MKLN1: variants seen among roughly 807,000 people sequenced by gnomAD.
MKLN1 encodes muskelin.
A neutral mutation model predicts 99.0 loss-of-function variants in MKLN1; 18 were observed. That is an observed-to-expected ratio of 0.18 (90% CI 0.13 to 0.27). The LOEUF is 0.27. MKLN1 is among the 10% of genes least tolerant of loss of function. The pLI, the probability that MKLN1 is intolerant of heterozygous loss-of-function variation, is 1.00. For synonymous variants in MKLN1, 288 were observed against 293.2 expected (o/e 0.98, Z 0.18); for missense variants, 621 against 875.9 (o/e 0.71, Z 3.67).
intron 3 of MKLN1, among the ~76,000 whole-genome samples, chr7:131,221,775 C>T (rs1489156828): frequency 6.6e-6 from 1 of 151,722 alleles, no homozygotes; most frequent in Non-Finnish European, 1.5e-5. Flanking sequence ...CCCACCTTAG[C>T]CTCCCGAAGT....
chr7:131,176,670 G>T (rs1014868502), intron 2 of MKLN1, among the ~76,000 whole-genome samples: 6 of 152,242 alleles, frequency 3.9e-5, no homozygotes, highest in Non-Finnish European at 7.3e-5. Context: ...AATGGAAACA[G>T]CGAGTCGTTG....
intron 1 of MKLN1, among the ~76,000 whole-genome samples, chr7:131,341,145 T>C (rs1200744823): frequency 6.6e-6 from 1 of 152,126 alleles, no homozygotes; most frequent in Non-Finnish European, 1.5e-5. Flanking sequence ...TCTAATTCTT[T>C]GAACATAATT....
intron 3 of MKLN1, among the ~76,000 whole-genome samples, chr7:131,211,592 C>G (rs1251830475): frequency 7.0e-6 from 1 of 142,338 alleles, no homozygotes; most frequent in Non-Finnish European, 1.6e-5. Flanking sequence ...TTATTACAAC[C>G]AACCCTTGTG....
intron 1 of MKLN1, among the ~76,000 whole-genome samples, chr7:131,357,936 G>A (rs1216437719): frequency 6.6e-6 from 1 of 152,064 alleles, no homozygotes; most frequent in African/African-American, 2.4e-5. Context: ...CTGAAACCTT[G>A]CTGTAATCAT....
Position 131,248,335 on chromosome 7 carries a change from T to TA in MKLN1, c.-179+45363dup, listed in dbSNP as rs559881278. 1.0e-3 allele frequency among the ~76,000 whole-genome samples: 157 copies of TA among 152,322 alleles called. 1 individual carries two copies. The highest frequency in any genetic ancestry group is 3.7e-3 in the African/African-American group (155 of 41,570). ...GAAAGAGTCTCTACTGGCAAAAATG[T>TA]AACTCTCAGCCAGCTAGAGATAGTT... On this transcript the variant is annotated intron_variant, in intron 3 of 7. Transcript: ENST00000416992.
At chr7:131,204,010 A>T (rs1451602340) in intron 3 of MKLN1, among the ~76,000 whole-genome samples, 1 of 152,160 alleles carries the variant, frequency 6.6e-6, no homozygotes, top group Non-Finnish European at 1.5e-5. Flanking sequence ...CTTACCTAGG[A>T]CCAATACAGC....
chr7:131,118,529 A>G (rs1158998446), intron 1 of MKLN1, among the ~76,000 whole-genome samples: 2 of 146,486 alleles, frequency 1.4e-5, no homozygotes, highest in Non-Finnish European at 3.0e-5. Context: ...CTCCAGCCTG[A>G]GCAACAAGAG....
intron 1 of MKLN1, among the ~76,000 whole-genome samples, chr7:131,133,833 T>G (rs1381082132): frequency 3.6e-4 from 50 of 138,744 alleles, no homozygotes; most frequent in Admixed American, 9.3e-4. Flanking sequence ...TTTTTTTTTT[T>G]TTTTTTTTTT....
At chr7:131,355,553 G>T (rs187301425) in intron 1 of MKLN1, among the ~76,000 whole-genome samples, 1 of 150,244 alleles carries the variant, frequency 6.7e-6, no homozygotes, top group African/African-American at 2.5e-5. Context: ...TGTAATTAGA[G>T]GTCTTCTCTT....
intron 1 of MKLN1, among the ~76,000 whole-genome samples, chr7:131,369,004 A>T (rs1036562132): frequency 1.3e-5 from 2 of 149,616 alleles, no homozygotes; most frequent in Non-Finnish European, 3.0e-5. Context: ...GTATAATCAC[A>T]CACACACACA....
intron 3 of MKLN1, among the ~76,000 whole-genome samples, chr7:131,230,763 A>T (rs1336222633): frequency 1.3e-5 from 2 of 151,926 alleles, no homozygotes; most frequent in Non-Finnish European, 2.9e-5. Context: ...AGTCTGGGAG[A>T]GTAATGGCAT....
chr7:131,187,860 G>A (rs1796475814), intron 2 of MKLN1, among the ~76,000 whole-genome samples: 2 of 152,182 alleles, frequency 1.3e-5, no homozygotes, highest in South Asian at 2.1e-4. Context: ...GGAGGCTGAG[G>A]CAGGAAAATT....
At chr7:131,231,457 G>A (rs1263659954) in intron 3 of MKLN1, among the ~76,000 whole-genome samples, 1 of 152,114 alleles carries the variant, frequency 6.6e-6, no homozygotes, top group African/African-American at 2.4e-5. Flanking sequence ...GGCTTCCTTG[G>A]AAGCAGCAGC....
intron 12 of MKLN1, among the ~76,000 whole-genome samples, chr7:131,456,431 A>G (rs1047745501): frequency 1.1e-4 from 16 of 152,176 alleles, no homozygotes; most frequent in African/African-American, 3.4e-4. Context: ...AACTCCTTAA[A>G]TAAGACTGAA....
Position 131,177,042 on chromosome 7 carries a change from A to G in MKLN1, c.-296-25815A>G, listed in dbSNP as rs1339537539. 9.2e-5 allele frequency among the ~76,000 whole-genome samples: 14 copies of G among 152,378 alleles called. No individual in the cohort carries two copies. The East Asian group carries it at 2.7e-3, about 29-fold the overall frequency. ...CTTTCCAAAGAAACAAAGCCCAGAAAGGTTAAGTAACTTGCACAAGGTCAT... is the reference window on the plus strand; with the variant it reads ...CTTTCCAAAGAAACAAAGCCCAGAAGGGTTAAGTAACTTGCACAAGGTCAT... On this transcript the variant is annotated intron_variant, in intron 2 of 7. Transcript: ENST00000416992.
rs67546678 is a variant in MKLN1, at chr7:131,241,398, GA to G, written c.-179+38437del. On this transcript the variant is annotated intron_variant, in intron 3 of 7. Coordinates refer to the MKLN1 transcript ENST00000416992. ...GTCTAAAAAAAAAAAAAAGAAAAAA[GA>G]AAAAAAAAAAAAGAACACCTTAGCA... Among the ~76,000 whole-genome samples, 39 of 141,798 alleles carry G rather than the reference GA, an allele frequency of 2.8e-4. 1 individual carries two copies. The highest frequency in any genetic ancestry group is 3.6e-4 in the African/African-American group (14 of 38,400). The allele number at this position is 141,798 out of a possible 152,430, so 93.0% of individuals were successfully genotyped here.
chr7:131,477,445 T>C (rs1465325969), intron 16 of MKLN1, among the ~76,000 whole-genome samples: 2 of 150,230 alleles, frequency 1.3e-5, no homozygotes, highest in Non-Finnish European at 1.5e-5. Flanking sequence ...AGGTTGAGGC[T>C]GCAGTGAGCC....
chr7:131,486,338 C>T (rs1797277241), intron 17 of MKLN1, among the ~76,000 whole-genome samples: 1 of 151,790 alleles, frequency 6.6e-6, no homozygotes, highest in African/African-American at 2.4e-5. Context: ...TGGAGTATTT[C>T]TTTCCATTCA....
intron 3 of MKLN1, among the ~76,000 whole-genome samples, chr7:131,236,819 T>C (rs1343654000): frequency 6.6e-6 from 1 of 151,992 alleles, no homozygotes; most frequent in African/African-American, 2.4e-5. Flanking sequence ...TCCCTGTCTC[T>C]ACATAAAATA....
Sources: allele counts gnomAD v4.1 joint callset (sites outside exome capture counted in the v4.1 genomes callset), GRCh38; gene constraint gnomAD v4.1.1; transcripts MANE v1.5; gene names NCBI Gene and HGNC (gene_info 2026-07-23, HGNC 2026-07-21).